The following RAB5B variants were observed in gnomAD, a reference collection of about 807,000 sequenced individuals.
The protein encoded by RAB5B is RAB5B, member RAS oncogene family.
RAB5B carries 11 observed loss-of-function variants against 28.6 expected under a neutral mutation model. The observed-to-expected ratio is 0.38, with a 90% CI of 0.24 to 0.64. The LOEUF (loss-of-function observed/expected upper bound fraction) is 0.64, where lower values mean the gene tolerates loss of function less well. Ranked by LOEUF, RAB5B falls within the 30% of genes least tolerant of loss-of-function variation. RAB5B has a pLI of 0.53. For missense variants in RAB5B, 169 were observed against 265.6 expected (o/e 0.64, Z 2.53); for synonymous variants, 93 against 97.9 (o/e 0.95, Z 0.29).
At position 55,993,619 on chromosome 12, in the gene RAB5B, ATCC is replaced by A. The variant is rs1385070584; in HGVS notation, c.*1410_*1412del. 6.6e-6 allele frequency: 1 copy of A among 152,520 alleles called. No individual in the cohort carries two copies. The allele number at this position is 152,520 out of a possible 1,614,324, so 9.4% of individuals were successfully genotyped here. A position where few individuals can be genotyped will look rare whatever the true frequency, so the allele number is the denominator to read the frequency against. On this transcript the variant is annotated 3_prime_UTR_variant, in exon 6 of 6. Coordinates refer to ENST00000360299, the MANE Select transcript of RAB5B (RefSeq NM_002868.4). Reference sequence around the variant, plus strand: ...TTATTCCCACTGTACAGTCTGTTCTATCCTCTGCCTCCCATCAGGCCCTGTTTC... The same window carrying A: ...TTATTCCCACTGTACAGTCTGTTCTATCTGCCTCCCATCAGGCCCTGTTTC...
intron 1 of RAB5B, chr12:55,980,331 C>T: frequency 9.9e-7 from 1 of 1,007,332 alleles, no homozygotes; most frequent in Non-Finnish European, 1.6e-6. Context: ...TGTGTCCCTC[C>T]AAGCCCCTCT....
At chr12:55,985,803 C>A in intron 1 of RAB5B, 1 of 449,818 alleles carries the variant, frequency 2.2e-6, no homozygotes, top group South Asian at 1.6e-5. Context: ...AATCCCTAGG[C>A]ACCAGCAAGA....
chr12:55,981,037 G>A (rs897161829), intron 1 of RAB5B: 73 of 1,612,348 alleles, frequency 4.5e-5, no homozygotes, highest in Non-Finnish European at 5.2e-5. Flanking sequence ...TGGCCATGGC[G>A]GACACCGGGG....
chr12:55,980,829 G>T, intron 1 of RAB5B: 1 of 1,594,998 alleles, frequency 6.3e-7, no homozygotes, highest in Non-Finnish European at 8.6e-7. Flanking sequence ...GTCTTGAACC[G>T]CTCTTGGCCA....
rs78503395 is a variant in RAB5B at position 55,983,968 on chromosome 12, C to T, written c.-92-2901C>T. On this transcript the variant is annotated intron_variant, in intron 1 of 5. Transcript: ENST00000360299. ...GGCCGCTCTGCCAGGCCTGTTTTTTCTCTTTTTCTTTCTCTGTACCACTTT... is the reference window on the plus strand; with the variant it reads ...GGCCGCTCTGCCAGGCCTGTTTTTTTTCTTTTTCTTTCTCTGTACCACTTT... Among the ~76,000 whole-genome samples the T allele has an allele frequency of 2.7e-3, 404 of 152,114 alleles. 3 individuals carry two copies. Among genetic ancestry groups the T allele is most frequent in the Middle Eastern group, 3.4e-3 (1 of 294 alleles).
In RAB5B at chr12:55,992,515, C is replaced by CT. The variant is rs1268216137; in HGVS notation, c.*307dup. ...AGGTACAAGACAGCGACTTACGTAT[C>CT]TTTTCTCCTCCTCCCTAGTGTTCCT... On this transcript the variant is annotated 3_prime_UTR_variant, in exon 6 of 6. Coordinates refer to ENST00000360299, the MANE Select transcript of RAB5B (RefSeq NM_002868.4). The CT allele has an allele frequency of 1.9e-6, 1 of 538,726 alleles. No individual in the cohort carries two copies. The highest frequency in any genetic ancestry group is 4.5e-5 in the East Asian group (1 of 21,990). The allele number at this position is 538,726 out of a possible 1,614,324, so 33.4% of individuals were successfully genotyped here. A position where few individuals can be genotyped will look rare whatever the true frequency, so the allele number is the denominator to read the frequency against.
In RAB5B at chr12:55,976,572, C is replaced by A. The variant is rs140168083; in HGVS notation, c.-93+2433C>A. ...CTCAAATTCATGGTCTCTGGATGTT[C>A]ATGGTCTCTGCATGTTCACATTACT... On this transcript the variant is annotated intron_variant, in intron 1 of 5. Transcript: ENST00000360299. Among the ~76,000 whole-genome samples, 287 of 152,350 alleles carry A rather than the reference C, an allele frequency of 1.9e-3. 2 individuals carry two copies. The highest frequency in any genetic ancestry group is 6.6e-3 in the African/African-American group (274 of 41,576).
At chr12:55,982,866 T>G (rs773113) in intron 1 of RAB5B, among the ~76,000 whole-genome samples, 150,353 of 152,300 alleles carry the variant, frequency 0.99, 74,250 homozygotes, top group South Asian at 1. Context: ...ACATTTTCCT[T>G]TATTGTAGAG....
chr12:55,982,508 G>A (rs1889837743), intron 1 of RAB5B, among the ~76,000 whole-genome samples: 1 of 152,064 alleles, frequency 6.6e-6, no homozygotes, highest in African/African-American at 2.4e-5. Context: ...TGCCCAGGCT[G>A]GTCTCAAACT....
intron 1 of RAB5B, among the ~76,000 whole-genome samples, chr12:55,984,572 G>T (rs969063611): frequency 6.6e-6 from 1 of 152,002 alleles, no homozygotes; most frequent in African/African-American, 2.4e-5. Flanking sequence ...TACCTTCTGG[G>T]TTTAAGCGAT....
At position 55,995,740 on chromosome 12, in the gene RAB5B, C is replaced by T. The variant is rs888924193; in HGVS notation, c.*3528C>T. Reference sequence around the variant, plus strand: ...CTTGATCAAGTTAGTTAGTGCCTTCCGCCTCGTTTCTTCATCTGTAAAGTA... The same window carrying T: ...CTTGATCAAGTTAGTTAGTGCCTTCTGCCTCGTTTCTTCATCTGTAAAGTA... On this transcript the variant is annotated 3_prime_UTR_variant, in exon 6 of 6. Coordinates refer to ENST00000360299, the MANE Select transcript of RAB5B (RefSeq NM_002868.4). 1.2e-4 allele frequency: 18 copies of T among 152,130 alleles called. No individual in the cohort carries two copies. The highest frequency in any genetic ancestry group is 4.1e-4 in the South Asian group (2 of 4,822). The allele number at this position is 152,130 out of a possible 1,614,324, so 9.4% of individuals were successfully genotyped here. A position where few individuals can be genotyped will look rare whatever the true frequency, so the allele number is the denominator to read the frequency against.
At chr12:55,983,182 G>A (rs550960740) in intron 1 of RAB5B, among the ~76,000 whole-genome samples, 2 of 152,028 alleles carry the variant, frequency 1.3e-5, no homozygotes, top group East Asian at 1.9e-4. Flanking sequence ...GGGTTCAAGC[G>A]ATTCTCCTGC....
chr12:55,991,023 AC>A, intron 4 of RAB5B: 1 of 569,468 alleles, frequency 1.8e-6, no homozygotes, highest in Non-Finnish European at 3.0e-6. Flanking sequence ...TTAGGGAGGT[AC>A]CAGCTGTGGG....
chr12:55,993,980 T>C lies in RAB5B; in HGVS notation c.*1768T>C, dbSNP rs952573700. 1.0e-4 allele frequency: 16 copies of C among 152,512 alleles called. No homozygotes were observed. The highest frequency in any genetic ancestry group is 8.5e-4 in the Admixed American group (13 of 15,278). The allele number at this position is 152,512 out of a possible 1,614,324, so 9.4% of individuals were successfully genotyped here. A position where few individuals can be genotyped will look rare whatever the true frequency, so the allele number is the denominator to read the frequency against. On this transcript the variant is annotated 3_prime_UTR_variant, in exon 6 of 6. Coordinates refer to ENST00000360299, the MANE Select transcript of RAB5B (RefSeq NM_002868.4). Reference sequence around the variant, plus strand: ...AGTTCCTTGTTCCAGCCCGGAGTTTTGGGAAAGAAAGAAAGGAAAGGTCAC... The same window carrying C: ...AGTTCCTTGTTCCAGCCCGGAGTTTCGGGAAAGAAAGAAAGGAAAGGTCAC...
intron 1 of RAB5B, 36 bp from the exon 2 acceptor site, chr12:55,986,833 C>G (rs898950344): frequency 2.7e-6 from 2 of 727,374 alleles, no homozygotes; most frequent in Non-Finnish European, 4.8e-6. Flanking sequence ...CTTCAATGGA[C>G]GTATGTTTAA....
intron 5 of RAB5B, chr12:55,991,755 C>T (rs927361757): frequency 5.2e-5 from 20 of 388,216 alleles, no homozygotes; most frequent in Admixed American, 2.4e-4. Flanking sequence ...GGTGAAACCC[C>T]GTCTCTACTA....
chr12:55,989,864 C>T (rs941571009), intron 2 of RAB5B, 83 bp from the exon 3 acceptor site: 7 of 1,470,508 alleles, frequency 4.8e-6, no homozygotes, highest in Non-Finnish European at 5.7e-6. Context: ...TAGTGTAGGG[C>T]AGTTACATTT....
chr12:55,993,046 T>A lies in RAB5B; in HGVS notation c.*834T>A, dbSNP rs1890184109. 2 of 177,842 alleles carry A rather than the reference T, an allele frequency of 1.1e-5. No individual in the cohort carries two copies. The highest frequency in any genetic ancestry group is 2.3e-5 in the Non-Finnish European group (2 of 86,544). 11.0% of individuals were successfully genotyped at this position (177,842 alleles called of 1,614,324 possible). A position where few individuals can be genotyped will look rare whatever the true frequency, so the allele number is the denominator to read the frequency against. On this transcript the variant is annotated 3_prime_UTR_variant, in exon 6 of 6. Transcript: ENST00000360299. Reference sequence around the variant, plus strand: ...GAATTTTCACTGGTTGCCTGCATCTTTGGCTCTGCTGTGATCTGATTGGAG... The same window carrying A: ...GAATTTTCACTGGTTGCCTGCATCTATGGCTCTGCTGTGATCTGATTGGAG...
intron 2 of RAB5B, among the ~76,000 whole-genome samples, chr12:55,989,462 A>G (rs1424810448): frequency 6.7e-6 from 1 of 149,644 alleles, no homozygotes; most frequent in Non-Finnish European, 1.5e-5. Flanking sequence ...TTTAGTAGAG[A>G]CGGGTTTTGC....
Sources: allele counts gnomAD v4.1 joint callset (sites outside exome capture counted in the v4.1 genomes callset), GRCh38; gene constraint gnomAD v4.1.1; transcripts MANE v1.5; gene names NCBI Gene and HGNC (gene_info 2026-07-23, HGNC 2026-07-21).